COX6A1: variants seen among roughly 807,000 people sequenced by gnomAD.
The protein encoded by COX6A1 is cytochrome c oxidase subunit 6A1.
COX6A1 carries 10 observed loss-of-function variants against 11.3 expected under a neutral mutation model. The observed-to-expected ratio is 0.88, with a 90% confidence interval of 0.54 to 1.50. The LOEUF (loss-of-function observed/expected upper bound fraction) is 1.50, where lower values mean the gene tolerates loss of function less well. Among genes scored for constraint, COX6A1 ranks in the 40% most tolerant of loss-of-function variants. The pLI, the probability that COX6A1 is intolerant of heterozygous loss-of-function variation, is 0.00. For missense variants in COX6A1, 149 were observed against 147.6 expected, an observed-to-expected ratio of 1.01 and a Z score of -0.05; for synonymous variants, 81 against 60.6, an observed-to-expected ratio of 1.34 and a Z score of -1.57.
chr12:120,438,658 C>T, intron 2 of COX6A1, 137 bp downstream of exon 2: 3 of 1,278,784 alleles, frequency 2.3e-6, no homozygotes, highest in South Asian at 1.3e-5. Context: ...AATGTATTTT[C>T]TTCCATTTTG....
chr12:120,440,401 G>A, intron 2 of COX6A1, 53 bp from the exon 3 acceptor site: 1 of 1,416,540 alleles, frequency 7.1e-7, no homozygotes, highest in Non-Finnish European at 1.0e-6. Flanking sequence ...TCATGACGGT[G>A]TTCTTTCTAA....
In COX6A1 at chr12:120,440,534, A is replaced by G; in HGVS notation, c.327A>G (p.Glu109=). 1.2e-6 allele frequency: 2 copies of G among 1,603,538 alleles called. No homozygotes were observed. Among genetic ancestry groups the G allele is most frequent in the South Asian group, 1.1e-5 (1 of 90,862 alleles). ...VNPLPTGYED[E] The stretch of plus-strand genomic sequence containing the variant: ...CACTTCCAACTGGCTACGAAGATGA[A>G]TAAAGAGAATCTGGACCACTACCCG... Residue 109 remains glutamate (E), a synonymous_variant, in exon 3 of 3, where the codon GAA becomes GAG. Coordinates refer to ENST00000229379, the MANE Select transcript of COX6A1 (RefSeq NM_004373.4).
Position 120,440,473 on chromosome 12 carries a change from G to A in COX6A1, c.266G>A (p.Gly89Asp), listed in dbSNP as rs1393968193. The A allele has an allele frequency of 2.5e-6, 4 of 1,613,090 alleles. No homozygotes were observed. The highest frequency in any genetic ancestry group is 2.2e-5 in the South Asian group (2 of 91,046). ...IRTKPFPWGD[G>D]NHTLFHNPHV... Reference sequence around the variant, plus strand: ...CCACAGCCGTTTCCCTGGGGAGATGGTAACCATACTCTATTCCATAACCCT... The same window carrying A: ...CCACAGCCGTTTCCCTGGGGAGATGATAACCATACTCTATTCCATAACCCT... Residue 89 changes from glycine (G) to aspartate (D), a missense_variant, in exon 3 of 3, where the codon GGT becomes GAT. Transcript: ENST00000229379.
In COX6A1 at chr12:120,438,148, T is replaced by A. The variant is rs759197876; in HGVS notation, c.22T>A (p.Ser8Thr). 1.2e-6 allele frequency: 2 copies of A among 1,613,678 alleles called. No individual in the cohort carries two copies. The highest frequency in any genetic ancestry group is 1.7e-5 in the Admixed American group (1 of 59,984). Residue 8 changes from serine to threonine, a missense_variant, in exon 1 of 3, where the codon TCG becomes ACG. Physicochemically the swap from Ser to Thr is moderately conservative, Grantham distance 58 (BLOSUM62 1). Coordinates refer to ENST00000229379, the MANE Select transcript of COX6A1 (RefSeq NM_004373.4). MAVVGVS[S>T]VSRLLGRSRP... ...AAAAATGGCGGTAGTTGGTGTGTCC[T>A]CGGTTTCTCGGCTGCTGGGTCGGTC...
At chr12:120,440,188 G>A in intron 2 of COX6A1, 1 of 354,974 alleles carries the variant, frequency 2.8e-6, no homozygotes, top group Non-Finnish European at 5.3e-6. Flanking sequence ...AGAGGATGAT[G>A]AGTAACTAAC....
intron 2 of COX6A1, among the ~76,000 whole-genome samples, chr12:120,438,992 C>G (rs573914498): frequency 6.6e-6 from 1 of 152,024 alleles, no homozygotes; most frequent in African/African-American, 2.4e-5. Context: ...GAGCTGAGAT[C>G]GTGCCACTGC....
intron 2 of COX6A1, among the ~76,000 whole-genome samples, chr12:120,438,971 G>A (rs1352513397): frequency 1.3e-5 from 2 of 152,120 alleles, no homozygotes; most frequent in East Asian, 1.9e-4. Flanking sequence ...CTAGGAGGCG[G>A]AGTTTGCAGG....
chr12:120,438,170 G>A lies in COX6A1; in HGVS notation c.44G>A (p.Arg15Gln). 2.5e-6 allele frequency: 4 copies of A among 1,613,834 alleles called. No homozygotes were observed. The highest frequency in any genetic ancestry group is 1.7e-4 in the Middle Eastern group (1 of 6,038). ...TCCTCGGTTTCTCGGCTGCTGGGTC[G>A]GTCCCGCCCACAGCTGGGGCGGCCT... Reference protein sequence around the residue: ...GVSSVSRLLGRSRPQLGRPMS... With the variant: ...GVSSVSRLLGQSRPQLGRPMS... Residue 15 changes from arginine (R) to glutamine (Q), a missense_variant, in exon 1 of 3, where the codon CGG becomes CAG. Physicochemically the swap from Arg to Gln is conservative, Grantham distance 43. Transcript: ENST00000229379.
chr12:120,438,319 G>A, intron 1 of COX6A1, 60 bp from the exon 2 acceptor site: 1 of 1,613,720 alleles, frequency 6.2e-7, no homozygotes. Context: ...CCTTGCGGGA[G>A]GGAAAGTGAG....
At position 120,438,201 on chromosome 12, in the gene COX6A1, G is replaced by A; in HGVS notation, c.75G>A (p.Ser25=). 1 of 1,613,918 alleles carries A rather than the reference G, an allele frequency of 6.2e-7. No individual in the cohort carries two copies. The highest frequency in any genetic ancestry group is 2.2e-5 in the East Asian group (1 of 44,872). The change falls in exon 1 of 3, where the codon TCG becomes TCA. Residue 25 remains serine, a synonymous_variant. Coordinates refer to ENST00000229379, the MANE Select transcript of COX6A1 (RefSeq NM_004373.4). ...GCCCACAGCTGGGGCGGCCTATGTC[G>A]AGTGGCGCCCATGGCGAAGAGGGCT... is the stretch of plus-strand genomic sequence containing the variant. ...RSRPQLGRPM[S]SGAHGEEGSA... is the part of the protein sequence containing the mutation.
At chr12:120,438,788 CT>C (rs376239130) in intron 2 of COX6A1, 7,194 of 119,528 alleles carry the variant, frequency 0.06, 3 homozygotes, top group South Asian at 0.13. Flanking sequence ...TGAGACAGTT[CT>C]TTTTTTTTTT....
In COX6A1 at chr12:120,440,622, T is replaced by C. The variant is rs1335309395; in HGVS notation, c.*85T>C. ...CTGCACATGGACCAGAAAAAGTATA[T>C]GGGACCTTAAGCTCACCTTCTTTAC... On this transcript the variant is annotated 3_prime_UTR_variant, in exon 3 of 3. Transcript: ENST00000229379. 35 of 967,446 alleles carry C rather than the reference T, an allele frequency of 3.6e-5. No homozygotes were observed. Among genetic ancestry groups the C allele is most frequent in the Non-Finnish European group, 5.4e-5 (33 of 606,114 alleles). 59.9% of individuals were successfully genotyped at this position (967,446 alleles called of 1,614,324 possible).
intron 1 of COX6A1, 42 bp downstream of exon 1, chr12:120,438,271 C>A: frequency 6.2e-7 from 1 of 1,612,088 alleles, no homozygotes. Flanking sequence ...CAGCCCCACT[C>A]GGGCGAGACA....
Position 120,440,727 on chromosome 12 carries a change from T to C in COX6A1, c.*190T>C, listed in dbSNP as rs8903. 0.69 allele frequency: 349,554 copies of C among 504,762 alleles called. 123,155 individuals are homozygous for C. The highest frequency in any genetic ancestry group is 0.91 in the African/African-American group (46,995 of 51,470). The allele number at this position is 504,762 out of a possible 1,614,324, so 31.3% of individuals were successfully genotyped here. ...AGATGGCTTAAATAAATAACTTAAA[T>C]TTAGATTGGTCATGAGCTGAGAGTT... On this transcript the variant is annotated 3_prime_UTR_variant, in exon 3 of 3. Coordinates refer to ENST00000229379, the MANE Select transcript of COX6A1 (RefSeq NM_004373.4).
Position 120,438,516 on chromosome 12 carries a change from A to G in COX6A1, c.241A>G (p.Thr81Ala), listed in dbSNP as rs761211615. 8.7e-6 allele frequency: 14 copies of G among 1,614,072 alleles called. No homozygotes were observed. Among genetic ancestry groups the G allele is most frequent in the Non-Finnish European group, 1.1e-5 (13 of 1,180,042 alleles). Residue 81 changes from threonine (T) to alanine (A), a missense_variant, in exon 2 of 3, where the codon ACC (threonine) becomes GCC (alanine). Thr to Ala is a moderately conservative substitution (Grantham distance 58). Coordinates refer to ENST00000229379, the MANE Select transcript of COX6A1 (RefSeq NM_004373.4). Reference sequence around the variant, plus strand: ...CGCCTACCCCCATCTCCGCATCAGGACCAAGGTACGCCCTTGTACATCTCT... The same window carrying G: ...CGCCTACCCCCATCTCCGCATCAGGGCCAAGGTACGCCCTTGTACATCTCT... The part of the protein sequence containing the change: ...FIAYPHLRIR[T>A]KPFPWGDGNH...
chr12:120,439,430 G>A (rs1877661103), intron 2 of COX6A1, among the ~76,000 whole-genome samples: 1 of 152,036 alleles, frequency 6.6e-6, no homozygotes. Context: ...GGGAGGCTGC[G>A]GTGGGAGAAT....
At position 120,438,531 on chromosome 12, in the gene COX6A1, T is replaced by G. The variant is rs1209119008; in HGVS notation, c.246+10T>G. The G allele has an allele frequency of 6.2e-7, 1 of 1,614,194 alleles. No homozygotes were observed. Among genetic ancestry groups the G allele is most frequent in the African/African-American group, 1.3e-5 (1 of 75,060 alleles). On this transcript the variant is annotated intron_variant, in intron 2 of 2. Coordinates refer to ENST00000229379, the MANE Select transcript of COX6A1 (RefSeq NM_004373.4). ...CCGCATCAGGACCAAGGTACGCCCTTGTACATCTCTTCAAGCGTCCGTTCT... is the reference window on the plus strand; with the variant it reads ...CCGCATCAGGACCAAGGTACGCCCTGGTACATCTCTTCAAGCGTCCGTTCT...
Position 120,438,788 on chromosome 12 carries a change from C to CTTTTTTTTTTTTTTT in COX6A1, c.246+279_246+293dup, listed in dbSNP as rs376239130. 3.5e-5 allele frequency: 4 copies of CTTTTTTTTTTTTTTT among 115,450 alleles called. 1 individual carries two copies. Among genetic ancestry groups the CTTTTTTTTTTTTTTT allele is most frequent in the Admixed American group, 2.4e-4 (2 of 8,180 alleles). 7.2% of individuals were successfully genotyped at this position (115,450 alleles called of 1,614,324 possible). A position where few individuals can be genotyped will look rare whatever the true frequency, so the allele number is the denominator to read the frequency against. ...CTACCTCCTGCCTTCTGAGACAGTT[C>CTTTTTTTTTTTTTTT]TTTTTTTTTTTTTTTTTTTTTTTTT... On this transcript the variant is annotated intron_variant, in intron 2 of 2. Coordinates refer to ENST00000229379, the MANE Select transcript of COX6A1 (RefSeq NM_004373.4).
At chr12:120,438,777 C>T in intron 2 of COX6A1, 5 of 315,646 alleles carry the variant, frequency 1.6e-5, no homozygotes, top group Non-Finnish European at 2.3e-5. Flanking sequence ...CTCCTGCCTT[C>T]TGAGACAGTT....
Sources: gnomAD v4.1 joint callset for allele counts (sites outside exome capture counted in the v4.1 genomes callset) on GRCh38, gnomAD v4.1.1 for gene constraint, MANE v1.5 for transcripts, NCBI Gene and HGNC (gene_info 2026-07-23, HGNC 2026-07-21) for gene names.